Variants in HS3ST3A1 observed in about 807,000 individuals in gnomAD.
HS3ST3A1 encodes heparan sulfate-glucosamine 3-sulfotransferase 3A1, also known as heparan sulfate glucosamine 3-O-sulfotransferase 3A1.
In HS3ST3A1, 19 loss-of-function variants were observed where a neutral mutation model predicts 25.7. The observed-to-expected ratio is 0.74, with a 90% CI of 0.52 to 1.08. The LOEUF is 1.08. Among genes scored for constraint, HS3ST3A1 ranks in the 50% least tolerant of loss-of-function variants. The pLI is 0.00. For synonymous variants in HS3ST3A1, 226 were observed against 278.6 expected (o/e 0.81, Z 1.88); for missense variants, 459 against 594.3 (o/e 0.77, Z 2.37).
chr17:13,496,173 T>A lies in HS3ST3A1; in HGVS notation c.*24A>T, dbSNP rs751065391. 2 of 1,540,410 alleles carry A rather than the reference T, an allele frequency of 1.3e-6. No homozygotes were observed. Among genetic ancestry groups the A allele is most frequent in the South Asian group, 2.6e-5 (2 of 78,420 alleles). Reference sequence around the variant, plus strand: ...AAAAAAATATATTATATTTTGATTTTTTTTTTCTTTTTAAATTATATGGTT... The same window carrying A: ...AAAAAAATATATTATATTTTGATTTATTTTTTCTTTTTAAATTATATGGTT... On this transcript the variant is annotated 3_prime_UTR_variant, in exon 2 of 2. Transcript: ENST00000284110.
At chr17:13,501,572 G>A (rs1281205205) in intron 1 of HS3ST3A1, among the ~76,000 whole-genome samples, 5 of 152,250 alleles carry the variant, frequency 3.3e-5, no homozygotes, top group East Asian at 1.9e-4. Context: ...ATATAAAAAC[G>A]AGGTTTGTGG....
chr17:13,510,071 C>A (rs1905811578), intron 1 of HS3ST3A1, among the ~76,000 whole-genome samples: 4 of 152,182 alleles, frequency 2.6e-5, no homozygotes, highest in Admixed American at 6.5e-5. Flanking sequence ...TTCAGCCTAC[C>A]TGGTTCTCAG....
chr17:13,502,435 T>G (rs1334326760), intron 1 of HS3ST3A1, among the ~76,000 whole-genome samples: 3 of 152,132 alleles, frequency 2.0e-5, no homozygotes, highest in Admixed American at 2.0e-4. Flanking sequence ...GGGAGAGCTC[T>G]CCATGACACT....
At chr17:13,504,315 T>TCAAACAAACAAACAAA (rs148353655) in intron 1 of HS3ST3A1, among the ~76,000 whole-genome samples, 30,216 of 151,470 alleles carry the variant, frequency 0.2, 3,189 homozygotes, top group East Asian at 0.29. Context: ...AGACTCCATC[T>TCAAACAAACAAACAAA]CAAACAAACA....
intron 1 of HS3ST3A1, among the ~76,000 whole-genome samples, chr17:13,569,036 A>T (rs1907739884): frequency 6.6e-6 from 1 of 152,180 alleles, no homozygotes; most frequent in Non-Finnish European, 1.5e-5. Context: ...CCTGGGAGGC[A>T]GGGTTTTCTA....
At chr17:13,547,962 A>AAAAC (rs1567620558) in intron 1 of HS3ST3A1, among the ~76,000 whole-genome samples, 1 of 149,980 alleles carries the variant, frequency 6.7e-6, no homozygotes, top group African/African-American at 2.5e-5. Context: ...AAAAAAAAAA[A>AAAAC]ACCACACGTT....
chr17:13,563,238 T>C (rs1251256513), intron 1 of HS3ST3A1, among the ~76,000 whole-genome samples: 1 of 151,804 alleles, frequency 6.6e-6, no homozygotes, highest in East Asian at 1.9e-4. Context: ...TAGAACCACA[T>C]CATCAATTTA....
intron 1 of HS3ST3A1, among the ~76,000 whole-genome samples, chr17:13,565,236 C>T (rs1183680334): frequency 1.3e-5 from 2 of 152,046 alleles, no homozygotes; most frequent in African/African-American, 4.8e-5. Flanking sequence ...TCTATCAATG[C>T]AAGGGTTTAA....
rs1906755719 is a variant in HS3ST3A1 at position 13,535,817 on chromosome 17, G to T, written c.600-38999C>A. 2.6e-5 allele frequency among the ~76,000 whole-genome samples: 4 copies of T among 152,112 alleles called. No homozygotes were observed. In the South Asian group the frequency reaches 8.3e-4, roughly 32 times the overall value. ...CTGTTCATTGCAAAATGGCAAGTTGGTATCAAATGGCTTTTCCAATGCTGA... is the reference window on the plus strand; with the variant it reads ...CTGTTCATTGCAAAATGGCAAGTTGTTATCAAATGGCTTTTCCAATGCTGA... On this transcript the variant is annotated intron_variant, in intron 1 of 1. Coordinates refer to ENST00000284110, the MANE Select transcript of HS3ST3A1 (RefSeq NM_006042.3).
At chr17:13,502,924 T>C (rs1053164539) in intron 1 of HS3ST3A1, among the ~76,000 whole-genome samples, 1 of 149,408 alleles carries the variant, frequency 6.7e-6, no homozygotes, top group African/African-American at 2.5e-5. Flanking sequence ...CTCACGCCTA[T>C]AATCCCAGCA....
intron 1 of HS3ST3A1, among the ~76,000 whole-genome samples, chr17:13,585,084 G>A (rs1439324979): frequency 6.7e-6 from 1 of 148,726 alleles, no homozygotes; most frequent in Non-Finnish European, 1.5e-5. Flanking sequence ...CTCATTACCA[G>A]CATTTATTGT....
At chr17:13,592,377 A>G (rs890129006) in intron 1 of HS3ST3A1, among the ~76,000 whole-genome samples, 2 of 152,220 alleles carry the variant, frequency 1.3e-5, no homozygotes, top group African/African-American at 4.8e-5. Flanking sequence ...GCCTCAACAA[A>G]TACAGTTAAT....
chr17:13,520,928 T>C (rs1441746866), intron 1 of HS3ST3A1, among the ~76,000 whole-genome samples: 6 of 152,126 alleles, frequency 3.9e-5, no homozygotes, highest in Non-Finnish European at 4.4e-5. Context: ...ACTGGAACAA[T>C]ATCCTTGTTT....
At chr17:13,543,785 C>T (rs1055412676) in intron 1 of HS3ST3A1, 7 of 152,496 alleles carry the variant, frequency 4.6e-5, no homozygotes, top group African/African-American at 1.7e-4. Context: ...AGCTACATAA[C>T]AAAAGTGGGT....
chr17:13,540,768 G>A (rs1176694725), intron 1 of HS3ST3A1, among the ~76,000 whole-genome samples: 1 of 152,224 alleles, frequency 6.6e-6, no homozygotes, highest in East Asian at 1.9e-4. Flanking sequence ...TATCTTCCTG[G>A]AAGATCTTGG....
chr17:13,507,583 C>T (rs1182819691), intron 1 of HS3ST3A1, among the ~76,000 whole-genome samples: 1 of 152,176 alleles, frequency 6.6e-6, no homozygotes, highest in Non-Finnish European at 1.5e-5. Flanking sequence ...ATCTTCCGAA[C>T]AGGTAATATA....
At chr17:13,504,893 G>A (rs1316693086) in intron 1 of HS3ST3A1, among the ~76,000 whole-genome samples, 1 of 152,172 alleles carries the variant, frequency 6.6e-6, no homozygotes, top group African/African-American at 2.4e-5. Flanking sequence ...TGAGCACAGT[G>A]GTGTGCAGTG....
intron 1 of HS3ST3A1, among the ~76,000 whole-genome samples, chr17:13,538,486 C>T (rs983110257): frequency 6.6e-6 from 1 of 152,216 alleles, no homozygotes; most frequent in Non-Finnish European, 1.5e-5. Flanking sequence ...TCACTAACCC[C>T]TTCTCCCTGG....
intron 1 of HS3ST3A1, among the ~76,000 whole-genome samples, chr17:13,500,409 G>A (rs777856254): frequency 5.3e-5 from 8 of 152,170 alleles, no homozygotes; most frequent in South Asian, 2.1e-4. Context: ...ACTGGGGCCC[G>A]GGATGGGTAG....
Sources: gnomAD v4.1 joint callset for allele counts (sites outside exome capture counted in the v4.1 genomes callset) on GRCh38, gnomAD v4.1.1 for gene constraint, MANE v1.5 for transcripts, NCBI Gene and HGNC (gene_info 2026-07-23, HGNC 2026-07-21) for gene names.